The following SDHA variants were observed in gnomAD, a reference collection of about 807,000 sequenced individuals.
SDHA encodes succinate dehydrogenase [ubiquinone] flavoprotein subunit, mitochondrial.
A neutral mutation model predicts 78.4 loss-of-function variants in SDHA; 48 were observed. That is an observed-to-expected ratio of 0.61 (90% CI 0.49 to 0.78). SDHA has a LOEUF of 0.78. SDHA is among the 30% of genes least tolerant of loss of function. The pLI, the probability that SDHA is intolerant of heterozygous loss-of-function variation, is 0.00. For missense variants in SDHA, 680 were observed against 892.7 expected (o/e 0.76, Z 3.04); for synonymous variants, 326 against 353.9 (o/e 0.92, Z 0.88).
chr5:258,221 G>A (rs1561018650), downstream of SDHA, among the ~76,000 whole-genome samples: 2 of 121,486 alleles, frequency 1.6e-5, no homozygotes, highest in East Asian at 2.1e-4. Flanking sequence ...GAGCATTACC[G>A]TGAGCTCCGC....
chr5:264,402 G>T, the SDHA span, among the ~76,000 whole-genome samples: 1 of 152,352 alleles, frequency 6.6e-6, no homozygotes, highest in South Asian at 2.1e-4. Context: ...CAGGAAAGAG[G>T]TGAGGGCACA....
intron 6 of SDHA, among the ~76,000 whole-genome samples, chr5:229,302 C>G (rs1160622764): frequency 6.6e-6 from 1 of 152,218 alleles, no homozygotes; most frequent in East Asian, 1.9e-4. Context: ...CAAAGAGACA[C>G]CTGGACCCTA....
intron 5 of SDHA, chr5:227,556 C>T (rs374513973): frequency 1.2e-4 from 19 of 164,266 alleles, no homozygotes; most frequent in African/African-American, 1.9e-4. Context: ...GGGAGGAGAC[C>T]GCGGCTCCAT....
At chr5:218,677 C>T (rs548433316) in intron 1 of SDHA, among the ~76,000 whole-genome samples, 1 of 152,298 alleles carries the variant, frequency 6.6e-6, no homozygotes, top group South Asian at 2.1e-4. Flanking sequence ...GCTGGGCGTC[C>T]CCTCCGCCGC....
chr5:228,001 T>C (rs77146043), intron 5 of SDHA, 184 bp from the exon 6 acceptor site: 3 of 642,468 alleles, frequency 4.7e-6, no homozygotes, highest in Non-Finnish European at 8.4e-6. Flanking sequence ...CTGCCTTGTC[T>C]GTACTGCTCG....
At chr5:242,742 A>G (rs1301875216) in intron 11 of SDHA, among the ~76,000 whole-genome samples, 7 of 152,106 alleles carry the variant, frequency 4.6e-5, no homozygotes, top group Admixed American at 2.0e-4. Context: ...ACACCTGAGT[A>G]CTCTTACGCA....
intron 10 of SDHA, among the ~76,000 whole-genome samples, chr5:238,779 T>G (rs1424804143): frequency 1.3e-5 from 2 of 152,104 alleles, no homozygotes; most frequent in African/African-American, 2.4e-5. Context: ...GGCAACGTGG[T>G]GAAACCCCGT....
intron 11 of SDHA, chr5:249,655 T>G (rs1736689258): frequency 6.6e-6 from 1 of 152,370 alleles, no homozygotes; most frequent in Non-Finnish European, 1.5e-5. Context: ...AATATGTGGG[T>G]AAATCTCTGT....
At chr5:220,537 A>G (rs1734654677) in intron 1 of SDHA, among the ~76,000 whole-genome samples, 1 of 152,176 alleles carries the variant, frequency 6.6e-6, no homozygotes, top group East Asian at 1.9e-4. Context: ...TGCATTCCTC[A>G]TGATGTTTTT....
rs921188047 is a variant in SDHA, at chr5:257,026, A to T, written c.*606A>T. 1.3e-5 allele frequency among the ~76,000 whole-genome samples: 2 copies of T among 151,796 alleles called. No homozygotes were observed. Among genetic ancestry groups the T allele is most frequent in the Non-Finnish European group, 2.9e-5 (2 of 67,978 alleles). On this transcript the variant is annotated 3_prime_UTR_variant, in exon 15 of 15. Coordinates refer to ENST00000264932, the MANE Select transcript of SDHA (RefSeq NM_004168.4). ...CACTGTGTTGCCTAGGCTGGTCTCAAGTGATCCTCCCTCCTTGGCCTCCCA... is the reference window on the plus strand; with the variant it reads ...CACTGTGTTGCCTAGGCTGGTCTCATGTGATCCTCCCTCCTTGGCCTCCCA...
At chr5:233,390 C>G in intron 7 of SDHA, 87 bp from the exon 8 acceptor site, 1 of 1,418,882 alleles carries the variant, frequency 7.0e-7, no homozygotes, top group Non-Finnish European at 9.9e-7. Context: ...TTTCCTCTTT[C>G]CCCCAAAAAA....
chr5:219,000 C>T (rs1219200506), intron 1 of SDHA, among the ~76,000 whole-genome samples: 3 of 152,224 alleles, frequency 2.0e-5, no homozygotes, highest in African/African-American at 7.2e-5. Context: ...TGCAGTTCGC[C>T]TTTCCAGAAA....
intron 11 of SDHA, 117 bp from the exon 12 acceptor site, chr5:250,875 T>C (rs1258822911): frequency 1.1e-6 from 1 of 878,118 alleles, no homozygotes; most frequent in Non-Finnish European, 1.9e-6. Flanking sequence ...CTAATTTTTC[T>C]GTTTAATTTA....
At chr5:233,391 C>T (rs1281555464) in intron 7 of SDHA, 86 bp from the exon 8 acceptor site, 2 of 1,426,410 alleles carry the variant, frequency 1.4e-6, no homozygotes, top group South Asian at 1.2e-5. Context: ...TTCCTCTTTC[C>T]CCCAAAAAAT....
At position 230,934 on chromosome 5, in the gene SDHA, A is replaced by G. The variant is rs1553998638; in HGVS notation, c.829A>G (p.Thr277Ala). ...TSAHTSTGDG[T>A]AMITRAGLPC... ...TGCCCACACCAGCACTGGCGACGGC[A>G]CGGCCATGATCACCAGGGCAGGCCT... The change falls in exon 7 of 15, where the codon ACG becomes GCG. Residue 277 changes from threonine to alanine, a missense_variant. Thr to Ala is a moderately conservative substitution (Grantham distance 58). Transcript: ENST00000264932. The G allele has an allele frequency of 3.1e-6, 5 of 1,614,010 alleles. No homozygotes were observed. The highest frequency in any genetic ancestry group is 4.2e-6 in the Non-Finnish European group (5 of 1,179,888).
intron 11 of SDHA, among the ~76,000 whole-genome samples, chr5:245,572 C>T (rs1262288478): frequency 1.3e-5 from 2 of 152,156 alleles, no homozygotes; most frequent in Non-Finnish European, 2.9e-5. Flanking sequence ...TTGTGCTGCC[C>T]CTACTCGAGA....
At chr5:257,802 G>A (rs1440153307), downstream of SDHA, among the ~76,000 whole-genome samples, 2 of 79,824 alleles carry the variant, frequency 2.5e-5, no homozygotes, top group Non-Finnish European at 4.7e-5. Flanking sequence ...TCCACCCCCT[G>A]CCAGAGCATT....
At chr5:249,599 G>C (rs551758654) in intron 11 of SDHA, 3 of 152,368 alleles carry the variant, frequency 2.0e-5, no homozygotes, top group African/African-American at 7.2e-5. Flanking sequence ...TTTGTTTCCC[G>C]TAAGGAATAC....
At position 228,178 on chromosome 5, in the gene SDHA, C is replaced by G; in HGVS notation, c.622-7C>G. 6.2e-7 allele frequency: 1 copy of G among 1,608,552 alleles called. No individual in the cohort carries two copies. The highest frequency in any genetic ancestry group is 8.5e-7 in the Non-Finnish European group (1 of 1,178,236). Reference sequence around the variant, plus strand: ...ACTTCTTGCCCTTTTTTTTTCCTTTCTTTTAGTCTCTGCGATATGATACCA... The same window carrying G: ...ACTTCTTGCCCTTTTTTTTTCCTTTGTTTTAGTCTCTGCGATATGATACCA... On this transcript the variant is annotated splice_region_variant and splice_polypyrimidine_tract_variant and intron_variant, in intron 5 of 14. Coordinates refer to ENST00000264932, the MANE Select transcript of SDHA (RefSeq NM_004168.4).
Sources: allele counts gnomAD v4.1 joint callset (sites outside exome capture counted in the v4.1 genomes callset), GRCh38; gene constraint gnomAD v4.1.1; transcripts MANE v1.5; gene names NCBI Gene and HGNC (gene_info 2026-07-23, HGNC 2026-07-21).